Variants in ADAM32 observed in about 807,000 individuals in gnomAD.
ADAM32 encodes the protein ADAM metallopeptidase domain 32.
ADAM32 carries 89 observed loss-of-function variants against 114.9 expected under a neutral mutation model. That is an observed-to-expected ratio of 0.77 (90% confidence interval 0.65 to 0.92). ADAM32 has a LOEUF of 0.92. Among genes scored for constraint, ADAM32 ranks in the 40% least tolerant of loss-of-function variants. The probability of loss-of-function intolerance (pLI) is 0.00; values close to 1 mark genes in which losing one functional copy is unlikely to be tolerated. For synonymous variants in ADAM32, 285 were observed against 307.5 expected, an observed-to-expected ratio of 0.93 and a Z score of 0.77; for missense variants, 870 against 932.8, an observed-to-expected ratio of 0.93 and a Z score of 0.88.
chr8:39,176,874 A>G (rs1049034155), intron 10 of ADAM32, among the ~76,000 whole-genome samples: 3 of 152,262 alleles, frequency 2.0e-5, no homozygotes, highest in African/African-American at 7.2e-5. Flanking sequence ...GTACTCCTGT[A>G]TCGGGTGCTT....
chr8:39,116,381 T>C (rs1373503808), intron 1 of ADAM32, among the ~76,000 whole-genome samples: 1 of 152,218 alleles, frequency 6.6e-6, no homozygotes, highest in African/African-American at 2.4e-5. Flanking sequence ...TGGAATGTTT[T>C]TTCATTTGTT....
intron 2 of ADAM32, among the ~76,000 whole-genome samples, chr8:39,124,065 T>C (rs1420435391): frequency 6.6e-6 from 1 of 151,882 alleles, no homozygotes; most frequent in East Asian, 1.9e-4. Context: ...GTACAGGTTG[T>C]GCAGGTTTGT....
chr8:39,192,652 C>T (rs112122922), intron 11 of ADAM32, among the ~76,000 whole-genome samples: 540 of 152,272 alleles, frequency 3.5e-3, no homozygotes, highest in African/African-American at 0.012. Flanking sequence ...TGGCTGGTAA[C>T]GGTCTTTTCT....
At chr8:39,133,878 AGGC>A (rs1802615369) in intron 2 of ADAM32, among the ~76,000 whole-genome samples, 1 of 152,190 alleles carries the variant, frequency 6.6e-6, no homozygotes, top group Non-Finnish European at 1.5e-5. Context: ...GACTTACTGA[AGGC>A]CCATGCAACT....
At chr8:39,234,137 T>A (rs1564652933) in intron 16 of ADAM32, 55 bp downstream of exon 16, 1 of 1,177,844 alleles carries the variant, frequency 8.5e-7, no homozygotes, top group African/African-American at 1.6e-5. Context: ...GTTTTCATCT[T>A]TTTATTTAAG....
chr8:39,243,858 A>G (rs115434027), intron 16 of ADAM32, among the ~76,000 whole-genome samples: 8,120 of 152,186 alleles, frequency 0.053, 743 homozygotes, highest in African/African-American at 0.18. Flanking sequence ...CTGCTTGCCA[A>G]TGATATGATC....
chr8:39,237,762 C>G (rs1486033753), intron 16 of ADAM32, among the ~76,000 whole-genome samples: 3 of 152,068 alleles, frequency 2.0e-5, no homozygotes, highest in Non-Finnish European at 4.4e-5. Context: ...CAGACATGCC[C>G]AACTCTGCCC....
intron 1 of ADAM32, among the ~76,000 whole-genome samples, chr8:39,109,346 A>G (rs6995997): frequency 0.99 from 150,593 of 152,180 alleles, 74,534 homozygotes; most frequent in Middle Eastern, 1. Context: ...AGGAGTTTGA[A>G]ATCAGCCTGG....
chr8:39,267,150 C>T (rs897635857), intron 19 of ADAM32, among the ~76,000 whole-genome samples: 2 of 152,230 alleles, frequency 1.3e-5, no homozygotes, highest in Middle Eastern at 3.4e-3. Flanking sequence ...GGTGGGGGTT[C>T]CCCCATTTGT....
intron 3 of ADAM32, among the ~76,000 whole-genome samples, chr8:39,140,082 G>T (rs1348645408): frequency 6.6e-6 from 1 of 152,170 alleles, no homozygotes; most frequent in African/African-American, 2.4e-5. Context: ...GGGCTGAGAT[G>T]ATGGGGTTTT....
chr8:39,259,745 T>C (rs1428567883), intron 19 of ADAM32, among the ~76,000 whole-genome samples: 1 of 152,210 alleles, frequency 6.6e-6, no homozygotes, highest in Non-Finnish European at 1.5e-5. Context: ...ATTCCTTTTC[T>C]AAAAATTGTT....
At chr8:39,172,493 C>G (rs1805262196) in intron 10 of ADAM32, among the ~76,000 whole-genome samples, 4 of 152,128 alleles carry the variant, frequency 2.6e-5, no homozygotes, top group Admixed American at 2.6e-4. Context: ...CCCTGGCCCC[C>G]TGACAGGCCC....
chr8:39,251,351 T>C (rs1554624328), intron 17 of ADAM32, among the ~76,000 whole-genome samples: 1 of 137,742 alleles, frequency 7.3e-6, no homozygotes, highest in Non-Finnish European at 1.5e-5. Flanking sequence ...TCCATCTTTT[T>C]TTATCAAAAA....
chr8:39,153,832 T>C (rs917322904), intron 6 of ADAM32, among the ~76,000 whole-genome samples: 2 of 152,176 alleles, frequency 1.3e-5, no homozygotes, highest in Non-Finnish European at 2.9e-5. Flanking sequence ...TTCACATACT[T>C]ATTTTACAAT....
At chr8:39,264,371 AT>A (rs1400365887) in intron 19 of ADAM32, among the ~76,000 whole-genome samples, 2 of 152,130 alleles carry the variant, frequency 1.3e-5, no homozygotes, top group Non-Finnish European at 2.9e-5. Context: ...GTTTCTGAAG[AT>A]TTTTAAAAAT....
intron 10 of ADAM32, among the ~76,000 whole-genome samples, chr8:39,171,079 G>A (rs1805158523): frequency 6.6e-6 from 1 of 152,062 alleles, no homozygotes; most frequent in Non-Finnish European, 1.5e-5. Flanking sequence ...GATTACAGAG[G>A]TGACCCACAA....
intron 3 of ADAM32, among the ~76,000 whole-genome samples, chr8:39,142,039 A>G (rs192505528): frequency 6.6e-6 from 1 of 151,310 alleles, no homozygotes; most frequent in African/African-American, 2.4e-5. Flanking sequence ...TTTGTTTTCC[A>G]TTTGCTTGGT....
Position 39,149,984 on chromosome 8 carries a change from A to G in ADAM32, c.353+117A>G, listed in dbSNP as rs879065857. ...AGCTTTCCTATGTGGAGATTATTTA[A>G]TGATATCCCCCTCTGAACATGTTTC... On this transcript the variant is annotated intron_variant, in intron 5 of 24. Coordinates refer to ENST00000379907, the MANE Select transcript of ADAM32 (RefSeq NM_145004.7). 4.0e-5 allele frequency: 26 copies of G among 644,316 alleles called. No homozygotes were observed. The South Asian group carries it at 6.7e-4, about 17-fold the overall frequency. The allele number at this position is 644,316 out of a possible 1,614,324, so 39.9% of individuals were successfully genotyped here.
chr8:39,199,245 C>T (rs1156926231), intron 11 of ADAM32, among the ~76,000 whole-genome samples: 2 of 152,164 alleles, frequency 1.3e-5, no homozygotes, highest in Non-Finnish European at 2.9e-5. Flanking sequence ...ATCTTGATGT[C>T]TATATCTCTT....
Sources: allele counts gnomAD v4.1 joint callset (sites outside exome capture counted in the v4.1 genomes callset), GRCh38; gene constraint gnomAD v4.1.1; transcripts MANE v1.5; gene names NCBI Gene and HGNC (gene_info 2026-07-23, HGNC 2026-07-21).